Variants in IL1RAPL1 observed in about 807,000 individuals in gnomAD.
The protein encoded by IL1RAPL1 is interleukin 1 receptor accessory protein like 1.
IL1RAPL1 carries 3 observed loss-of-function variants against 48.4 expected under a neutral mutation model. That is an observed-to-expected ratio of 0.06 (90% CI 0.03 to 0.16). The LOEUF is 0.16. Among genes scored for constraint, IL1RAPL1 ranks in the 10% least tolerant of loss-of-function variants. The pLI, the probability that IL1RAPL1 is intolerant of heterozygous loss-of-function variation, is 1.00. For synonymous variants in IL1RAPL1, 185 were observed against 187.7 expected (o/e 0.99, Z 0.12); for missense variants, 349 against 530.6 (o/e 0.66, Z 3.36).
In IL1RAPL1 at chrX:29,214,921, G is replaced by C. The variant is rs183488305; in HGVS notation, c.83-68017G>C. Among the ~76,000 whole-genome samples the C allele has an allele frequency of 9.8e-3, 1,096 of 111,927 alleles. 19 individuals carry two copies. Among genetic ancestry groups the C allele is most frequent in the African/African-American group, 0.034 (1,051 of 30,866 alleles). On this transcript the variant is annotated intron_variant, in intron 2 of 10. Transcript: ENST00000378993. ...GGAGTACAAACTTTTTTCTAAATAA[G>C]TCCTTACTAAATAGATTTAACAGCA...
chrX:29,011,252 T>A (rs1926115492), intron 2 of IL1RAPL1, among the ~76,000 whole-genome samples: 1 of 111,853 alleles, frequency 8.9e-6, no homozygotes, highest in African/African-American at 3.2e-5. Flanking sequence ...ACTTACCATA[T>A]AACTTAGCCA....
chrX:29,449,690 A>G (rs1302702785), intron 5 of IL1RAPL1, among the ~76,000 whole-genome samples: 4 of 106,369 alleles, frequency 3.8e-5, no homozygotes, highest in African/African-American at 1.4e-4. Context: ...GTGAAGATCA[A>G]TAAAGAATGC....
chrX:29,423,331 G>A (rs1490888387), intron 5 of IL1RAPL1, among the ~76,000 whole-genome samples: 1 of 111,900 alleles, frequency 8.9e-6, no homozygotes, highest in Non-Finnish European at 1.9e-5. Context: ...TCCCTAAAAC[G>A]TATAAAGCCA....
intron 1 of IL1RAPL1, among the ~76,000 whole-genome samples, chrX:28,724,948 TG>T (rs1477039758): frequency 0.02 from 2,119 of 106,948 alleles, 72 homozygotes; most frequent in African/African-American, 0.07. Flanking sequence ...CAACTCAATT[TG>T]TTTTTTTTTT....
chrX:29,938,251 A>T (rs949942323), intron 8 of IL1RAPL1, among the ~76,000 whole-genome samples: 4 of 112,389 alleles, frequency 3.6e-5, no homozygotes, highest in Admixed American at 9.4e-5. Context: ...AAATTAAAAA[A>T]GTATGTAGAG....
rs185535631 is a variant in IL1RAPL1, at chrX:29,388,456, G to T, written c.363-7802G>T. 5.5e-4 allele frequency among the ~76,000 whole-genome samples: 61 copies of T among 111,814 alleles called. 1 individual carries two copies. Among genetic ancestry groups the T allele is most frequent in the Admixed American group, 5.1e-3 (54 of 10,510 alleles). On this transcript the variant is annotated intron_variant, in intron 3 of 10. Transcript: ENST00000378993. ...ATATACCGAAAAGAATTAAAAGCAG[G>T]GACTTAAATATTTGTTCATGCATGT...
At chrX:28,943,127 T>G (rs893956235) in intron 2 of IL1RAPL1, among the ~76,000 whole-genome samples, 1 of 108,182 alleles carries the variant, frequency 9.2e-6, no homozygotes, top group Non-Finnish European at 1.9e-5. Context: ...AACCTATTTA[T>G]CTCTTTATTC....
intron 6 of IL1RAPL1, among the ~76,000 whole-genome samples, chrX:29,895,302 A>G (rs912626285): frequency 1.9e-4 from 21 of 110,646 alleles, no homozygotes; most frequent in Non-Finnish European, 3.6e-4. Flanking sequence ...TGTAATCCCA[A>G]CACTTTGGGA....
At chrX:29,088,075 CGA>C (rs1204660920) in intron 2 of IL1RAPL1, among the ~76,000 whole-genome samples, 1 of 111,593 alleles carries the variant, frequency 9.0e-6, no homozygotes, top group African/African-American at 3.3e-5. Flanking sequence ...TCTCCCTACT[CGA>C]GTCTTCCATA....
At chrX:29,470,073 C>A (rs908491015) in intron 5 of IL1RAPL1, among the ~76,000 whole-genome samples, 7 of 112,304 alleles carry the variant, frequency 6.2e-5, no homozygotes, top group African/African-American at 2.3e-4. Flanking sequence ...CTGTCTAGAA[C>A]AGACTAATTT....
chrX:29,841,899 G>A lies in IL1RAPL1; in HGVS notation c.779-75565G>A, dbSNP rs112789836. 5.0e-3 allele frequency among the ~76,000 whole-genome samples: 554 copies of A among 111,812 alleles called. 3 individuals carry two copies. The highest frequency in any genetic ancestry group is 0.017 in the African/African-American group (532 of 30,796). The stretch of plus-strand genomic sequence containing the variant: ...ATAATTTATTACAGCAAAAGGATAC[G>A]GAACAAGATCAACAAAGGGAGAAGG... On this transcript the variant is annotated intron_variant, in intron 6 of 10. Transcript: ENST00000378993.
intron 6 of IL1RAPL1, among the ~76,000 whole-genome samples, chrX:29,782,888 A>ATTTTTTTTTTTTT (rs780831874): frequency 9.7e-5 from 3 of 31,075 alleles, no homozygotes; most frequent in Non-Finnish European, 1.1e-4. Flanking sequence ...TGATCGTGAC[A>ATTTTTTTTTTTTT]TTTTTTTTTT....
intron 1 of IL1RAPL1, among the ~76,000 whole-genome samples, chrX:28,779,903 G>T (rs1024943927): frequency 2.8e-5 from 3 of 107,522 alleles, no homozygotes; most frequent in African/African-American, 1.0e-4. Flanking sequence ...AATTAATGAG[G>T]GAACTAGACA....
At chrX:28,597,616 A>C (rs183810007) in intron 1 of IL1RAPL1, among the ~76,000 whole-genome samples, 50 of 110,633 alleles carry the variant, frequency 4.5e-4, no homozygotes, top group African/African-American at 1.5e-3. Context: ...CTGTAATCCC[A>C]GCTACTTAGG....
chrX:29,831,951 T>C (rs1169429163), intron 6 of IL1RAPL1, among the ~76,000 whole-genome samples: 2 of 111,852 alleles, frequency 1.8e-5, no homozygotes, highest in Non-Finnish European at 3.8e-5. Flanking sequence ...GAGAACTAAA[T>C]TTATGGTAGT....
intron 2 of IL1RAPL1, among the ~76,000 whole-genome samples, chrX:29,168,555 G>GTA (rs751368369): frequency 0.44 from 23,195 of 52,383 alleles, 5,699 homozygotes; most frequent in Middle Eastern, 0.7. Context: ...GTATTCAATT[G>GTA]TATATATATA....
chrX:28,631,000 G>A (rs1371480434), intron 1 of IL1RAPL1, among the ~76,000 whole-genome samples: 1 of 112,062 alleles, frequency 8.9e-6, no homozygotes, highest in African/African-American at 3.2e-5. Flanking sequence ...CAAGGCTTTA[G>A]ATGCAGGTTT....
intron 6 of IL1RAPL1, among the ~76,000 whole-genome samples, chrX:29,817,326 G>T (rs1459151663): frequency 2.7e-5 from 3 of 111,624 alleles, no homozygotes; most frequent in Non-Finnish European, 5.7e-5. Context: ...AATGCATTTT[G>T]CATTATTTAT....
chrX:29,257,136 A>C (rs952927317), intron 2 of IL1RAPL1, among the ~76,000 whole-genome samples: 15 of 111,667 alleles, frequency 1.3e-4, no homozygotes, highest in Non-Finnish European at 2.6e-4. Context: ...ATATTTGAAA[A>C]ATAGTGAGCC....
Sources: gnomAD v4.1 joint callset for allele counts (sites outside exome capture counted in the v4.1 genomes callset) on GRCh38, gnomAD v4.1.1 for gene constraint, MANE v1.5 for transcripts, NCBI Gene and HGNC (gene_info 2026-07-23, HGNC 2026-07-21) for gene names.